Variants in CHST9 observed in about 807,000 individuals in gnomAD.
The protein encoded by CHST9 is GalNAc-4-sulfotransferase 2.
In CHST9, 41 loss-of-function variants were observed where a neutral mutation model predicts 44.4. The ratio of observed to expected loss-of-function variants is 0.92; its 90% CI spans 0.72 to 1.20. CHST9 has a LOEUF of 1.20. CHST9 is among the 50% of genes most tolerant of loss of function. The pLI is 0.00. For synonymous variants in CHST9, 171 were observed against 178.4 expected, an observed-to-expected ratio of 0.96 and a Z score of 0.33; for missense variants, 504 against 516.5, an observed-to-expected ratio of 0.98 and a Z score of 0.23.
At chr18:27,082,679 C>T (rs2057972082) in intron 2 of CHST9, among the ~76,000 whole-genome samples, 1 of 152,140 alleles carries the variant, frequency 6.6e-6, no homozygotes, top group African/African-American at 2.4e-5. Context: ...AGTTGGTTTC[C>T]ACTGTCATTT....
intron 4 of CHST9, among the ~76,000 whole-genome samples, chr18:26,946,496 A>G (rs543294505): frequency 1.4e-4 from 22 of 152,312 alleles, no homozygotes; most frequent in Non-Finnish European, 1.5e-5. Context: ...CAGGTAGACC[A>G]TTTTTGGGAA....
At chr18:26,993,957 TG>T (rs1015700238) in intron 4 of CHST9, among the ~76,000 whole-genome samples, 1 of 152,230 alleles carries the variant, frequency 6.6e-6, no homozygotes, top group Non-Finnish European at 1.5e-5. Flanking sequence ...TCTCCTCGGC[TG>T]GGGGATGGCC....
chr18:27,182,513 T>C (rs1049410891), intron 1 of CHST9, among the ~76,000 whole-genome samples: 5 of 152,302 alleles, frequency 3.3e-5, no homozygotes, highest in South Asian at 2.1e-4. Flanking sequence ...CTTTGGGACA[T>C]TGCACCCATA....
intron 3 of CHST9, among the ~76,000 whole-genome samples, chr18:27,029,761 A>G (rs1222937647): frequency 1.3e-5 from 2 of 152,218 alleles, no homozygotes; most frequent in African/African-American, 4.8e-5. Flanking sequence ...TATTGAGTAC[A>G]GACGCAACCA....
intron 4 of CHST9, among the ~76,000 whole-genome samples, chr18:26,993,745 A>C (rs1416003357): frequency 1.3e-5 from 2 of 152,244 alleles, no homozygotes; most frequent in African/African-American, 4.8e-5. Flanking sequence ...ACTTTGTTCT[A>C]AATATGGCCA....
intron 2 of CHST9, among the ~76,000 whole-genome samples, chr18:27,093,258 G>A (rs2058086408): frequency 6.6e-6 from 1 of 152,216 alleles, no homozygotes. Context: ...ACTGTGCTGG[G>A]AGAACCACTG....
chr18:27,008,186 T>C (rs2057040131), intron 4 of CHST9, among the ~76,000 whole-genome samples: 1 of 152,124 alleles, frequency 6.6e-6, no homozygotes, highest in African/African-American at 2.4e-5. Context: ...TATACAGATC[T>C]GGTGAAGATA....
chr18:27,031,947 T>C (rs1040272928), intron 3 of CHST9, among the ~76,000 whole-genome samples: 9 of 152,234 alleles, frequency 5.9e-5, no homozygotes, highest in African/African-American at 2.2e-4. Context: ...TGAACTCATC[T>C]GCTCTTAACC....
At chr18:27,179,962 A>G (rs1244974741) in intron 1 of CHST9, among the ~76,000 whole-genome samples, 2 of 152,134 alleles carry the variant, frequency 1.3e-5, no homozygotes, top group Admixed American at 1.3e-4. Flanking sequence ...TGTTCCAGAA[A>G]GTACTTTTGG....
At chr18:26,995,223 A>G (rs2056871455) in intron 4 of CHST9, among the ~76,000 whole-genome samples, 1 of 150,348 alleles carries the variant, frequency 6.7e-6, no homozygotes, top group African/African-American at 2.5e-5. Context: ...GGAGATCAAG[A>G]CAATCCTGGC....
intron 4 of CHST9, among the ~76,000 whole-genome samples, chr18:27,016,460 G>A (rs1392427571): frequency 6.6e-6 from 1 of 152,148 alleles, no homozygotes; most frequent in Non-Finnish European, 1.5e-5. Flanking sequence ...GCAGGCCCCT[G>A]TTCCTGTCTT....
At chr18:26,920,463 T>C (rs569937946) in intron 5 of CHST9, among the ~76,000 whole-genome samples, 1 of 152,318 alleles carries the variant, frequency 6.6e-6, no homozygotes, top group African/African-American at 2.4e-5. Context: ...CTAATCACAC[T>C]GAGAAATGAT....
At chr18:27,027,633 T>C (rs572828376) in intron 3 of CHST9, among the ~76,000 whole-genome samples, 62 of 152,294 alleles carry the variant, frequency 4.1e-4, no homozygotes, top group African/African-American at 1.5e-3. Flanking sequence ...TGCTGCTGAG[T>C]GCGTTATGTG....
intron 1 of CHST9, among the ~76,000 whole-genome samples, chr18:27,168,779 A>T (rs2143951011): frequency 6.6e-6 from 1 of 152,344 alleles, no homozygotes; most frequent in East Asian, 1.9e-4. Flanking sequence ...CTTCTAATGA[A>T]TAGCACATGA....
intron 2 of CHST9, among the ~76,000 whole-genome samples, chr18:27,054,608 T>A (rs4411581): frequency 6.6e-6 from 1 of 152,046 alleles, no homozygotes; most frequent in Admixed American, 6.6e-5. Flanking sequence ...CATGGAGAAA[T>A]ATTACATATA....
chr18:27,071,109 G>C (rs2057834884), intron 2 of CHST9, among the ~76,000 whole-genome samples: 1 of 152,080 alleles, frequency 6.6e-6, no homozygotes, highest in South Asian at 2.1e-4. Flanking sequence ...CTTCCACCCT[G>C]GTGGCCTCTT....
In CHST9 at chr18:26,913,141, C is replaced by T. The variant is rs1468495278; in HGVS notation, c.*3118G>A. The T allele has an allele frequency of 6.6e-6, 1 of 152,120 alleles. No homozygotes were observed. Among genetic ancestry groups the T allele is most frequent in the Non-Finnish European group, 1.5e-5 (1 of 68,024 alleles). 9.4% of individuals were successfully genotyped at this position (152,120 alleles called of 1,614,324 possible). On this transcript the variant is annotated 3_prime_UTR_variant, in exon 6 of 6. Coordinates refer to ENST00000618847, the MANE Select transcript of CHST9 (RefSeq NM_031422.6). ...AATTCTCTGCATCTTCTTATATATACCTTCTGCTAAATACTATACATTTTA... is the reference window on the plus strand; with the variant it reads ...AATTCTCTGCATCTTCTTATATATATCTTCTGCTAAATACTATACATTTTA...
intron 2 of CHST9, among the ~76,000 whole-genome samples, chr18:27,127,255 A>G (rs918040051): frequency 2.6e-5 from 4 of 152,216 alleles, no homozygotes; most frequent in African/African-American, 9.7e-5. Context: ...AAGAACATCA[A>G]TATCTAAGGG....
intron 1 of CHST9, among the ~76,000 whole-genome samples, chr18:27,183,939 C>T (rs1289503714): frequency 6.6e-6 from 1 of 152,022 alleles, no homozygotes; most frequent in African/African-American, 2.4e-5. Context: ...AATATGGTCA[C>T]AATGCATTTG....
Sources: allele counts gnomAD v4.1 joint callset (sites outside exome capture counted in the v4.1 genomes callset), GRCh38; gene constraint gnomAD v4.1.1; transcripts MANE v1.5; gene names NCBI Gene and HGNC (gene_info 2026-07-23, HGNC 2026-07-21).